Variants in LMTK3 observed in about 807,000 individuals in gnomAD.
The protein encoded by LMTK3 is serine/threonine-protein kinase LMTK3.
In LMTK3, 27 loss-of-function variants were observed where a neutral mutation model predicts 116.7. The ratio of observed to expected loss-of-function variants is 0.23; its 90% CI spans 0.17 to 0.32. LMTK3 has a LOEUF of 0.32. Ranked by LOEUF, LMTK3 falls within the 10% of genes least tolerant of loss-of-function variation. The pLI, the probability that LMTK3 is intolerant of heterozygous loss-of-function variation, is 1.00. For synonymous variants in LMTK3, 965 were observed against 971.0 expected (o/e 0.99, Z 0.11); for missense variants, 1,764 against 2,068.5 (o/e 0.85, Z 2.86).
At chr19:48,512,765 G>T (rs1972682426), upstream of LMTK3, among the ~76,000 whole-genome samples, 1 of 151,886 alleles carries the variant, frequency 6.6e-6, no homozygotes, top group South Asian at 2.1e-4. Context: ...ACATGCATGC[G>T]GGCACACACA....
Position 48,485,539 on chromosome 19 carries a change from C to G in LMTK3, c.*234G>C. The G allele has an allele frequency of 1.9e-6, 1 of 533,122 alleles. No individual in the cohort carries two copies. Among genetic ancestry groups the G allele is most frequent in the Non-Finnish European group, 3.3e-6 (1 of 305,256 alleles). 33.0% of individuals were successfully genotyped at this position (533,122 alleles called of 1,614,324 possible). A position where few individuals can be genotyped will look rare whatever the true frequency, so the allele number is the denominator to read the frequency against. On this transcript the variant is annotated 3_prime_UTR_variant, in exon 15 of 15. Transcript: ENST00000600059. ...TATGGAGGGGCGGGGGGATTCCTGC[C>G]TCATTTGGCTCCGAGGGGGTCAGGG...
intron 11 of LMTK3, among the ~76,000 whole-genome samples, chr19:48,496,401 C>T (rs554837003): frequency 3.3e-5 from 5 of 151,768 alleles, no homozygotes; most frequent in African/African-American, 1.2e-4. Context: ...TGGCTTCAAA[C>T]GATTCTCCTG....
upstream of LMTK3, chr19:48,513,203 G>A: frequency 6.4e-7 from 1 of 1,571,838 alleles, no homozygotes; most frequent in Non-Finnish European, 8.7e-7. The surrounding 1 kb of genome is among the most constrained non-coding windows in gnomAD (Gnocchi z 5.6). Context: ...AAAGATACAT[G>A]ATCATAGTTT....
Position 48,499,715 on chromosome 19 carries a change from G to T in LMTK3, c.1354C>A (p.Pro452Thr). The change falls in exon 11 of 15, where the codon CCC becomes ACC. Residue 452 changes from proline to threonine, a missense_variant. Pro to Thr is a conservative substitution (Grantham distance 38, BLOSUM62 -1). Coordinates refer to ENST00000600059, the MANE Select transcript of LMTK3 (RefSeq NM_001388485.1). ...GCTCCAGGGAAGCCATCCAGTAGGG[G>T]GAACGGTGAGGAGAGGGTCCCCGGG... ...PRPGTLSSPF[P>T]LLDGFPGADP... 1 of 1,528,578 alleles carries T rather than the reference G, an allele frequency of 6.5e-7. No individual in the cohort carries two copies. The highest frequency in any genetic ancestry group is 8.8e-7 in the Non-Finnish European group (1 of 1,135,864). 94.7% of individuals were successfully genotyped at this position (1,528,578 alleles called of 1,614,324 possible).
At chr19:48,505,465 C>T (rs1045322340) in intron 5 of LMTK3, among the ~76,000 whole-genome samples, 1 of 152,068 alleles carries the variant, frequency 6.6e-6, no homozygotes, top group African/African-American at 2.4e-5. Flanking sequence ...TGGCTCTCAC[C>T]TGAAATCTCA....
Position 48,485,487 on chromosome 19 carries a change from A to G in LMTK3, c.*286T>C, listed in dbSNP as rs2147523291. 1 of 419,468 alleles carries G rather than the reference A, an allele frequency of 2.4e-6. No homozygotes were observed. The highest frequency in any genetic ancestry group is 2.3e-5 in the South Asian group (1 of 43,382). 26.0% of individuals were successfully genotyped at this position (419,468 alleles called of 1,614,324 possible). On this transcript the variant is annotated 3_prime_UTR_variant, in exon 15 of 15. Transcript: ENST00000600059. ...AGGGGCTCCAGGCCCAAAAGAGTTC[A>G]GTTCAGTTCCGAGAAAGGCGGCTCT...
At chr19:48,511,261 C>A (rs1294444255) in intron 1 of LMTK3, among the ~76,000 whole-genome samples, 1 of 152,246 alleles carries the variant, frequency 6.6e-6, no homozygotes, top group African/African-American at 2.4e-5. Flanking sequence ...AGCACAAACA[C>A]ATGCGTGCAC....
chr19:48,491,086 G>T lies in LMTK3; in HGVS notation c.4366+22C>A. The T allele has an allele frequency of 7.4e-7, 1 of 1,346,878 alleles. No individual in the cohort carries two copies. The highest frequency in any genetic ancestry group is 9.5e-7 in the Non-Finnish European group (1 of 1,048,690). 83.4% of individuals were successfully genotyped at this position (1,346,878 alleles called of 1,614,324 possible). A position where few individuals can be genotyped will look rare whatever the true frequency, so the allele number is the denominator to read the frequency against. ...GGGGACAGAGATGGGCAGAGGAGGGGGCAGGGCCGAGGATATGGTACCTGC... is the reference window on the plus strand; with the variant it reads ...GGGGACAGAGATGGGCAGAGGAGGGTGCAGGGCCGAGGATATGGTACCTGC... On this transcript the variant is annotated intron_variant, in intron 14 of 14. Coordinates refer to ENST00000600059, the MANE Select transcript of LMTK3 (RefSeq NM_001388485.1). This position sits in a 1 kb window ranked among gnomAD's most constrained non-coding sequence, Gnocchi z 5.1.
Position 48,491,411 on chromosome 19 carries a change from G to T in LMTK3, c.4221C>A (p.Ser1407Arg). 7.6e-7 allele frequency: 1 copy of T among 1,313,146 alleles called. No homozygotes were observed. The highest frequency in any genetic ancestry group is 1.6e-5 in the African/African-American group (1 of 62,314). The allele number at this position is 1,313,146 out of a possible 1,614,324, so 81.3% of individuals were successfully genotyped here. A position where few individuals can be genotyped will look rare whatever the true frequency, so the allele number is the denominator to read the frequency against. Residue 1407 changes from serine (S) to arginine (R), a missense_variant, in exon 13 of 15, where the codon AGC becomes AGA. Coordinates refer to ENST00000600059, the MANE Select transcript of LMTK3 (RefSeq NM_001388485.1). The surrounding 1 kb of genome is among the most constrained non-coding windows in gnomAD (Gnocchi z 5.1). ...TPGDGFPSND[S>R]GFGGSFEWAE... Reference sequence around the variant, plus strand: ...CATAGGGCCCGTCCTCACCAAAGCCGCTGTCGTTGCTGGGAAACCCATCTC... The same window carrying T: ...CATAGGGCCCGTCCTCACCAAAGCCTCTGTCGTTGCTGGGAAACCCATCTC...
chr19:48,493,808 C>A lies in LMTK3; in HGVS notation c.3978G>T (p.Leu1326=). The A allele has an allele frequency of 6.6e-7, 1 of 1,506,580 alleles. No homozygotes were observed. The highest frequency in any genetic ancestry group is 8.9e-7 in the Non-Finnish European group (1 of 1,128,754). 93.3% of individuals were successfully genotyped at this position (1,506,580 alleles called of 1,614,324 possible). ...SSADADAARP[L]RGLLKSPRGA... ...CGCGCGGAGACTTGAGCAGCCCCCG[C>A]AGCGGGCGGGCCGCGTCCGCGTCGG... Residue 1326 remains leucine, a synonymous_variant, in exon 12 of 15, where the codon CTG becomes CTT. Coordinates refer to ENST00000600059, the MANE Select transcript of LMTK3 (RefSeq NM_001388485.1).
chr19:48,496,291 TTTTTC>T (rs1222048534), intron 11 of LMTK3, among the ~76,000 whole-genome samples: 1 of 150,360 alleles, frequency 6.7e-6, no homozygotes, highest in African/African-American at 2.5e-5. Context: ...TCTTTTTTTC[TTTTTC>T]TTTTCTTTTT....
At position 48,493,822 on chromosome 19, in the gene LMTK3, C is replaced by T; in HGVS notation, c.3964G>A (p.Ala1322Thr). 2.7e-6 allele frequency: 4 copies of T among 1,497,430 alleles called. No individual in the cohort carries two copies. The highest frequency in any genetic ancestry group is 3.6e-6 in the Non-Finnish European group (4 of 1,123,850). 92.8% of individuals were successfully genotyped at this position (1,497,430 alleles called of 1,614,324 possible). A position where few individuals can be genotyped will look rare whatever the true frequency, so the allele number is the denominator to read the frequency against. ...PVVVSSADAD[A>T]ARPLRGLLKS... The stretch of plus-strand genomic sequence containing the variant: ...AGCAGCCCCCGCAGCGGGCGGGCCG[C>T]GTCCGCGTCGGCGCTGCTCACCACG... Residue 1322 changes from alanine to threonine, a missense_variant, in exon 12 of 15, where the codon GCG becomes ACG. Physicochemically the swap from Ala to Thr is moderately conservative, Grantham distance 58. Coordinates refer to ENST00000600059, the MANE Select transcript of LMTK3 (RefSeq NM_001388485.1).
intron 1 of LMTK3, among the ~76,000 whole-genome samples, chr19:48,510,935 C>T (rs1406017207): frequency 6.6e-6 from 1 of 152,204 alleles, no homozygotes; most frequent in South Asian, 2.1e-4. Context: ...TTAAAATACG[C>T]TCCCGTGGAC....
rs1460317421 is a variant in LMTK3, at chr19:48,501,517, C to T, written c.840G>A (p.Val280=). Residue 280 remains valine, a synonymous_variant, in exon 8 of 15, where the codon GTG becomes GTA. Transcript: ENST00000600059. The part of the protein sequence containing the change: ...RNCLLTSDLT[V]RIGDYGLAHS... ...GGGCCAGCCCGTAGTCTCCGATGCG[C>T]ACGGTCAGGTCAGAGGTCAGCAGGC... 1 of 1,612,490 alleles carries T rather than the reference C, an allele frequency of 6.2e-7. No individual in the cohort carries two copies. The highest frequency in any genetic ancestry group is 2.2e-5 in the East Asian group (1 of 44,808).
chr19:48,489,772 G>A (rs868191564), intron 14 of LMTK3, among the ~76,000 whole-genome samples: 4 of 152,206 alleles, frequency 2.6e-5, no homozygotes, highest in Non-Finnish European at 4.4e-5. Context: ...AGGTCACACA[G>A]CTAAGAAATG....
At chr19:48,504,362 C>T (rs1972527003) in intron 5 of LMTK3, among the ~76,000 whole-genome samples, 1 of 152,160 alleles carries the variant, frequency 6.6e-6, no homozygotes, top group Non-Finnish European at 1.5e-5. Flanking sequence ...CTCCCACTTT[C>T]CTAGGTGTGT....
At chr19:48,502,319 C>A (rs1258604933) in intron 7 of LMTK3, 114 bp downstream of exon 7, 3 of 1,299,494 alleles carry the variant, frequency 2.3e-6, no homozygotes, top group Non-Finnish European at 1.1e-6. Flanking sequence ...CGGTTCGTCC[C>A]TATTTTGTGT....
At chr19:48,508,801 C>G (rs964210249) in intron 5 of LMTK3, 50 bp downstream of exon 5, 4 of 1,399,004 alleles carry the variant, frequency 2.9e-6, no homozygotes, top group Non-Finnish European at 4.1e-6. Flanking sequence ...TCCTTCCACT[C>G]CTGAATGTCA....
rs147110976 is a variant in LMTK3, at chr19:48,500,633, G to T, written c.1151+363C>A. ...TATTGAGACCCAAAGAAGCAGGGGTGGGGGGAAGATGCCCATAGAGAGAGG... is the reference window on the plus strand; with the variant it reads ...TATTGAGACCCAAAGAAGCAGGGGTTGGGGGAAGATGCCCATAGAGAGAGG... On this transcript the variant is annotated intron_variant, in intron 10 of 14. Transcript: ENST00000600059. The surrounding 1 kb of genome is among the most constrained non-coding windows in gnomAD (Gnocchi z 4.0). Among the ~76,000 whole-genome samples the T allele has an allele frequency of 0.03, 4,539 of 152,218 alleles. 84 individuals are homozygous for T. The highest frequency in any genetic ancestry group is 0.082 in the South Asian group (397 of 4,832).
Sources: allele counts gnomAD v4.1 joint callset (sites outside exome capture counted in the v4.1 genomes callset), GRCh38; gene constraint gnomAD v4.1.1; non-coding constraint Gnocchi (gnomAD v3.1); transcripts MANE v1.5; gene names NCBI Gene and HGNC (gene_info 2026-07-23, HGNC 2026-07-21).